The following TBC1D22A variants were observed in gnomAD, a reference collection of about 807,000 sequenced individuals.
The protein encoded by TBC1D22A is TBC1 domain family member 22A, also known as putative GTPase activator.
In TBC1D22A, 38 loss-of-function variants were observed where a neutral mutation model predicts 60.2. That is an observed-to-expected ratio of 0.63 (90% confidence interval 0.49 to 0.83). The LOEUF (loss-of-function observed/expected upper bound fraction) is 0.83, where lower values mean the gene tolerates loss of function less well. Ranked by LOEUF, TBC1D22A falls within the 40% of genes least tolerant of loss-of-function variation. The pLI, the probability that TBC1D22A is intolerant of heterozygous loss-of-function variation, is 0.00. For missense variants in TBC1D22A, 628 were observed against 701.0 expected, an observed-to-expected ratio of 0.90 and a Z score of 1.18; for synonymous variants, 302 against 281.7, an observed-to-expected ratio of 1.07 and a Z score of -0.72.
intron 10 of TBC1D22A, among the ~76,000 whole-genome samples, chr22:47,023,786 T>C (rs1172535096): frequency 6.6e-6 from 1 of 152,104 alleles, no homozygotes; most frequent in African/African-American, 2.4e-5. Flanking sequence ...TTCAGACATA[T>C]AAAAGCTAAA....
At chr22:46,783,195 G>A (rs1352436635) in intron 1 of TBC1D22A, among the ~76,000 whole-genome samples, 1 of 152,130 alleles carries the variant, frequency 6.6e-6, no homozygotes, top group Non-Finnish European at 1.5e-5. Flanking sequence ...TTCTCTGATC[G>A]CTAATGATAC....
At chr22:46,865,112 A>G (rs997241172) in intron 4 of TBC1D22A, among the ~76,000 whole-genome samples, 2 of 152,154 alleles carry the variant, frequency 1.3e-5, no homozygotes, top group African/African-American at 4.8e-5. Context: ...TTGGCTCCTC[A>G]GCACCTGTGT....
intron 2 of TBC1D22A, chr22:46,792,847 C>T (rs2084478295): frequency 7.0e-7 from 1 of 1,435,726 alleles, no homozygotes; most frequent in Non-Finnish European, 9.1e-7. Flanking sequence ...CATCCTTTAG[C>T]CATGGGCAGC....
intron 4 of TBC1D22A, 137 bp downstream of exon 4, chr22:46,797,757 G>A (rs2084721354): frequency 6.8e-6 from 6 of 885,544 alleles, no homozygotes; most frequent in Non-Finnish European, 9.7e-6. Flanking sequence ...GGAAGGTGAT[G>A]TTTTCATGTA....
chr22:46,814,529 C>A (rs892813864), intron 4 of TBC1D22A, among the ~76,000 whole-genome samples: 1 of 152,140 alleles, frequency 6.6e-6, no homozygotes, highest in African/African-American at 2.4e-5. Context: ...TTCCCCAGGA[C>A]GTTAAAAAAG....
intron 1 of TBC1D22A, among the ~76,000 whole-genome samples, chr22:46,786,620 A>G (rs190400127): frequency 4.6e-5 from 7 of 152,360 alleles, no homozygotes; most frequent in South Asian, 2.1e-4. Context: ...AGAATTTACC[A>G]GTGAATCCCT....
At chr22:47,007,312 C>G (rs1009529352) in intron 10 of TBC1D22A, among the ~76,000 whole-genome samples, 1 of 152,198 alleles carries the variant, frequency 6.6e-6, no homozygotes, top group South Asian at 2.1e-4. Flanking sequence ...ATGTGTCCTG[C>G]ACCTCTGCAG....
At chr22:47,156,812 C>T (rs550144392) in intron 12 of TBC1D22A, among the ~76,000 whole-genome samples, 252 of 152,338 alleles carry the variant, frequency 1.7e-3, no homozygotes, top group African/African-American at 5.9e-3. Context: ...AGCTGCTACC[C>T]GGGAGCCACT....
rs754465011 is a variant in TBC1D22A, at chr22:47,008,730, A to G, written c.1201+11021A>G. On this transcript the variant is annotated intron_variant, in intron 10 of 12. Coordinates refer to ENST00000337137, the MANE Select transcript of TBC1D22A (RefSeq NM_014346.5). Reference sequence around the variant, plus strand: ...AGGGCGGCCAGTGCTGGCCCCTTGGAGTGAGGCCTGGGTACAGGCATTGAG... The same window carrying G: ...AGGGCGGCCAGTGCTGGCCCCTTGGGGTGAGGCCTGGGTACAGGCATTGAG... Among the ~76,000 whole-genome samples, 14 of 152,270 alleles carry G rather than the reference A, an allele frequency of 9.2e-5. No individual in the cohort carries two copies. In the South Asian group the frequency reaches 1.2e-3, roughly 14 times the overall value.
chr22:47,114,720 C>G (rs1186363488), intron 12 of TBC1D22A, among the ~76,000 whole-genome samples: 1 of 152,070 alleles, frequency 6.6e-6, no homozygotes, highest in East Asian at 1.9e-4. Flanking sequence ...TGTGATTTGT[C>G]CCTTGGGAAA....
In TBC1D22A at chr22:47,173,594, T is replaced by A; in HGVS notation, c.1522T>A (p.Phe508Ile). 6.2e-7 allele frequency: 1 copy of A among 1,613,988 alleles called. No homozygotes were observed. The highest frequency in any genetic ancestry group is 1.1e-5 in the South Asian group (1 of 91,082). Residue 508 changes from phenylalanine (F) to isoleucine (I), a missense_variant, in exon 13 of 13, where the codon TTT becomes ATT. Phe to Ile is a conservative substitution (Grantham distance 21, BLOSUM62 0). Transcript: ENST00000337137. ...LAEAYRLKFA[F>I]ADAPNHYKK ...CGAGGCCTACCGCCTCAAGTTTGCT[T>A]TTGCCGACGCCCCCAATCACTACAA...
intron 8 of TBC1D22A, among the ~76,000 whole-genome samples, chr22:46,955,728 A>T (rs914428785): frequency 2.0e-5 from 3 of 152,234 alleles, no homozygotes; most frequent in African/African-American, 7.2e-5. Context: ...ATCACAAATT[A>T]AAAAAGATAA....
intron 1 of TBC1D22A, among the ~76,000 whole-genome samples, chr22:46,768,945 A>G (rs1234731152): frequency 6.6e-6 from 1 of 151,870 alleles, no homozygotes; most frequent in Non-Finnish European, 1.5e-5. Context: ...AATACAAAAA[A>G]TAGCTGGACA....
chr22:46,943,510 C>T (rs9627623), intron 8 of TBC1D22A, among the ~76,000 whole-genome samples: 2,558 of 152,306 alleles, frequency 0.017, 79 homozygotes, highest in African/African-American at 0.059. Flanking sequence ...ACTGGAGCAT[C>T]GGGGACTGTG....
intron 12 of TBC1D22A, among the ~76,000 whole-genome samples, chr22:47,115,003 TG>T (rs1172221117): frequency 5.2e-5 from 3 of 57,288 alleles, no homozygotes; most frequent in Non-Finnish European, 9.8e-5. Context: ...CAGGGCCTGC[TG>T]GGCAGGGCTC....
chr22:47,072,926 C>T (rs575843031), intron 11 of TBC1D22A, among the ~76,000 whole-genome samples: 1 of 152,374 alleles, frequency 6.6e-6, no homozygotes, highest in East Asian at 1.9e-4. Flanking sequence ...TGACCGGCCC[C>T]ACACTCCTAT....
intron 11 of TBC1D22A, among the ~76,000 whole-genome samples, chr22:47,092,266 A>G (rs2065006797): frequency 6.6e-6 from 1 of 152,150 alleles, no homozygotes; most frequent in African/African-American, 2.4e-5. Context: ...GGGTGTCCTG[A>G]TAGATTGCAG....
At chr22:46,770,988 G>A (rs1019231815) in intron 1 of TBC1D22A, among the ~76,000 whole-genome samples, 2 of 152,164 alleles carry the variant, frequency 1.3e-5, no homozygotes, top group Admixed American at 1.3e-4. Flanking sequence ...TTTGCTGTAG[G>A]TGCAGTTCCT....
rs143544157 is a variant in TBC1D22A at position 46,890,839 on chromosome 22, C to T, written c.709-427C>T. On this transcript the variant is annotated intron_variant, in intron 5 of 12. Coordinates refer to ENST00000337137, the MANE Select transcript of TBC1D22A (RefSeq NM_014346.5). ...GCATGCGTGTATATGTGTGTGTGTG[C>T]GTGGGGTGTGTGTGCGTGGTTGCTG... Among the ~76,000 whole-genome samples, 281 of 152,082 alleles carry T rather than the reference C, an allele frequency of 1.8e-3. 1 individual carries two copies. Among genetic ancestry groups the T allele is most frequent in the Middle Eastern group, 3.4e-3 (1 of 294 alleles).
Sources: gnomAD v4.1 joint callset for allele counts (sites outside exome capture counted in the v4.1 genomes callset) on GRCh38, gnomAD v4.1.1 for gene constraint, MANE v1.5 for transcripts, NCBI Gene and HGNC (gene_info 2026-07-23, HGNC 2026-07-21) for gene names.